The following DIS3L2 variants were observed in gnomAD, a reference collection of about 807,000 sequenced individuals.
The protein encoded by DIS3L2 is DIS3 like 3'-5' exoribonuclease 2, also known as DIS3-like exonuclease 2.
DIS3L2 carries 34 observed loss-of-function variants against 97.5 expected under a neutral mutation model. The observed-to-expected ratio is 0.35, with a 90% confidence interval of 0.27 to 0.46. The LOEUF (loss-of-function observed/expected upper bound fraction) is 0.46. Among genes scored for constraint, DIS3L2 ranks in the 20% least tolerant of loss-of-function variants. The pLI is 1.00. For synonymous variants in DIS3L2, 435 were observed against 445.2 expected (o/e 0.98, Z 0.29); for missense variants, 1,038 against 1,146.0 (o/e 0.91, Z 1.36).
rs1203766693 is a variant in DIS3L2, at chr2:231,998,841, A to G, written c.-93-15994A>G. On this transcript the variant is annotated intron_variant, in intron 1 of 20. Coordinates refer to ENST00000325385, the MANE Select transcript of DIS3L2 (RefSeq NM_152383.5). ...CCCTTTCACTTATTTATTTTTGTCT[A>G]TCAGTAGGAACTTATGGATTCTTAT... Among the ~76,000 whole-genome samples the G allele has an allele frequency of 2.6e-5, 4 of 152,124 alleles. No individual in the cohort carries two copies. In the East Asian group the frequency reaches 5.8e-4, roughly 22 times the overall value.
intron 14 of DIS3L2, among the ~76,000 whole-genome samples, chr2:232,313,173 A>G (rs577545954): frequency 1.6e-4 from 24 of 152,318 alleles, no homozygotes; most frequent in African/African-American, 5.8e-4. Flanking sequence ...CCTGATCTCA[A>G]ACAGAAGAGT....
chr2:232,184,641 C>G (rs1691387453), intron 9 of DIS3L2, among the ~76,000 whole-genome samples: 1 of 152,030 alleles, frequency 6.6e-6, no homozygotes, highest in Admixed American at 6.6e-5. Flanking sequence ...CAGAACAAGA[C>G]ACTATCTCAA....
intron 6 of DIS3L2, among the ~76,000 whole-genome samples, chr2:232,123,723 C>T (rs1277597795): frequency 6.6e-6 from 1 of 152,138 alleles, no homozygotes; most frequent in African/African-American, 2.4e-5. Context: ...AAAGAACTGA[C>T]GGGCATTACC....
Position 232,210,362 on chromosome 2 carries a change from C to T in DIS3L2, c.1161C>T (p.Ala387=). 5 of 1,613,754 alleles carry T rather than the reference C, an allele frequency of 3.1e-6. No individual in the cohort carries two copies. Among genetic ancestry groups the T allele is most frequent in the Non-Finnish European group, 3.4e-6 (4 of 1,179,710 alleles). Residue 387 remains alanine (A), a synonymous_variant, in exon 10 of 21, where the codon GCC becomes GCT. Coordinates refer to ENST00000325385, the MANE Select transcript of DIS3L2 (RefSeq NM_152383.5). ...DCIFTIDPST[A]RDLDDALSCK... ...TCTTCACCATTGACCCATCAACCGC[C>T]CGAGACCTCGATGATGCCCTCTCCT...
chr2:232,215,906 C>G (rs1692319956), intron 10 of DIS3L2, among the ~76,000 whole-genome samples: 1 of 152,164 alleles, frequency 6.6e-6, no homozygotes, highest in Admixed American at 6.5e-5. Context: ...ATGTCTCTAG[C>G]AGCCAGGCCA....
At chr2:232,127,549 C>G (rs1698096764) in intron 6 of DIS3L2, among the ~76,000 whole-genome samples, 1 of 152,250 alleles carries the variant, frequency 6.6e-6, no homozygotes. Flanking sequence ...TACACCCACT[C>G]TTAGCCTGCT....
chr2:232,296,907 T>C (rs983694550), intron 13 of DIS3L2, among the ~76,000 whole-genome samples: 2 of 152,230 alleles, frequency 1.3e-5, no homozygotes, highest in Non-Finnish European at 2.9e-5. Flanking sequence ...TGCCTTATTG[T>C]TGAGTTGGTG....
chr2:232,013,228 G>A lies in DIS3L2; in HGVS notation c.-93-1607G>A, dbSNP rs76454328. Among the ~76,000 whole-genome samples the A allele has an allele frequency of 3.3e-3, 498 of 152,282 alleles. 1 individual carries two copies. Among genetic ancestry groups the A allele is most frequent in the Non-Finnish European group, 4.7e-3 (318 of 68,008 alleles). The stretch of plus-strand genomic sequence containing the variant: ...CCTGATTTTCTCCTAAGATGCATCT[G>A]CTGCTAGTATCTGTCAAGTCCAGAT... On this transcript the variant is annotated intron_variant, in intron 1 of 20. Transcript: ENST00000325385.
intron 1 of DIS3L2, among the ~76,000 whole-genome samples, chr2:231,981,055 TG>T (rs1693240886): frequency 6.6e-6 from 1 of 152,180 alleles, no homozygotes; most frequent in Admixed American, 6.5e-5. Flanking sequence ...GTGATTCTTA[TG>T]TCTCAGCCTC....
intron 10 of DIS3L2, among the ~76,000 whole-genome samples, chr2:232,236,109 G>A (rs74525920): frequency 1.9e-4 from 29 of 152,258 alleles, no homozygotes; most frequent in African/African-American, 6.7e-4. Context: ...TAGGAAGGTG[G>A]TCTCTGAGTG....
In DIS3L2 at chr2:232,037,535, G is replaced by A. The variant is rs540558319; in HGVS notation, c.366+7455G>A. On this transcript the variant is annotated intron_variant, in intron 5 of 20. Coordinates refer to ENST00000325385, the MANE Select transcript of DIS3L2 (RefSeq NM_152383.5). This position sits in a 1 kb window ranked among gnomAD's most constrained non-coding sequence, Gnocchi z 4.6. ...CTCTGGCTTCAACCCCTTTTCCAGC[G>A]GGGTGAACAGTTCTCTCTCACTGGT... is the stretch of plus-strand genomic sequence containing the variant. Among the ~76,000 whole-genome samples the A allele has an allele frequency of 6.6e-5, 10 of 152,254 alleles. No homozygotes were observed. Among genetic ancestry groups the A allele is most frequent in the South Asian group, 6.2e-4 (3 of 4,816 alleles).
chr2:231,970,449 T>C (rs1280308995), intron 1 of DIS3L2, among the ~76,000 whole-genome samples: 1 of 152,214 alleles, frequency 6.6e-6, no homozygotes. Flanking sequence ...GCGCTTAGGC[T>C]ACAAAACTGT....
chr2:232,029,795 A>G (rs930692873), intron 4 of DIS3L2, among the ~76,000 whole-genome samples, 184 bp from the exon 5 acceptor site: 2 of 151,900 alleles, frequency 1.3e-5, no homozygotes, highest in Non-Finnish European at 1.5e-5. Context: ...CTATTTTTAT[A>G]CTTTCTTGAT....
At chr2:232,038,286 A>G (rs1355016661) in intron 5 of DIS3L2, among the ~76,000 whole-genome samples, 2 of 152,216 alleles carry the variant, frequency 1.3e-5, no homozygotes, top group African/African-American at 4.8e-5. Context: ...AAGAGGCAGC[A>G]TTGTAATGAA....
chr2:232,059,569 ATGAC>A (rs1459565776), intron 5 of DIS3L2, among the ~76,000 whole-genome samples: 5 of 152,158 alleles, frequency 3.3e-5, no homozygotes, highest in Non-Finnish European at 5.9e-5. Flanking sequence ...GGTATGGGGT[ATGAC>A]TGATCCTGTC....
chr2:232,185,440 C>T (rs541273731), intron 9 of DIS3L2, among the ~76,000 whole-genome samples: 3 of 152,214 alleles, frequency 2.0e-5, no homozygotes, highest in East Asian at 3.9e-4. Context: ...TGTGAGATGT[C>T]GCTAAAGCAG....
chr2:232,316,885 ATCT>A (rs1049003287), intron 14 of DIS3L2, among the ~76,000 whole-genome samples: 2 of 152,204 alleles, frequency 1.3e-5, no homozygotes, highest in Admixed American at 6.5e-5. Context: ...TGTGTCATAA[ATCT>A]TCTAGGAAAC....
intron 5 of DIS3L2, among the ~76,000 whole-genome samples, chr2:232,068,514 T>TG (rs1300707070): frequency 6.6e-6 from 1 of 151,460 alleles, no homozygotes; most frequent in Admixed American, 6.6e-5. Context: ...CCTGGGAGGT[T>TG]GGGGGTACAA....
rs1227028962 is a variant in DIS3L2 at position 232,137,558 on chromosome 2, C to T, written c.950+839C>T. ...GGTCATCTAACTTGTACAGGATGCA[C>T]CCTCCTGGGAATGTCCTATGGGTAG... On this transcript the variant is annotated intron_variant, in intron 8 of 20. Coordinates refer to ENST00000325385, the MANE Select transcript of DIS3L2 (RefSeq NM_152383.5). Among the ~76,000 whole-genome samples, 6 of 152,266 alleles carry T rather than the reference C, an allele frequency of 3.9e-5. No homozygotes were observed. The South Asian group carries it at 6.2e-4, about 16-fold the overall frequency.
Sources: allele counts gnomAD v4.1 joint callset (sites outside exome capture counted in the v4.1 genomes callset), GRCh38; gene constraint gnomAD v4.1.1; non-coding constraint Gnocchi (gnomAD v3.1); transcripts MANE v1.5; gene names NCBI Gene and HGNC (gene_info 2026-07-23, HGNC 2026-07-21).